Variants in L3MBTL4 observed in about 807,000 individuals in gnomAD.
L3MBTL4 encodes the protein lethal(3)malignant brain tumor-like protein 4.
Under a neutral mutation model 84.5 loss-of-function variants are expected in L3MBTL4, and 70 were observed. That is an observed-to-expected ratio of 0.83 (90% CI 0.68 to 1.01). The LOEUF (loss-of-function observed/expected upper bound fraction) is 1.01, where lower values mean the gene tolerates loss of function less well. L3MBTL4 is among the 50% of genes least tolerant of loss of function. L3MBTL4 has a pLI of 0.00. For synonymous variants in L3MBTL4, 274 were observed against 259.8 expected, an observed-to-expected ratio of 1.05 and a Z score of -0.52; for missense variants, 715 against 754.8, an observed-to-expected ratio of 0.95 and a Z score of 0.62.
intron 5 of L3MBTL4, among the ~76,000 whole-genome samples, chr18:6,252,438 C>G (rs113857494): frequency 6.6e-6 from 1 of 150,964 alleles, no homozygotes; most frequent in East Asian, 1.9e-4. Flanking sequence ...AAAAACACAG[C>G]TATTTACATA....
At chr18:6,039,827 G>C (rs1489834577) in intron 16 of L3MBTL4, among the ~76,000 whole-genome samples, 1 of 152,156 alleles carries the variant, frequency 6.6e-6, no homozygotes, top group Non-Finnish European at 1.5e-5. Context: ...AGAATTAATA[G>C]TTGATTATGA....
chr18:6,145,512 C>T (rs2042611147), intron 13 of L3MBTL4, among the ~76,000 whole-genome samples: 1 of 151,120 alleles, frequency 6.6e-6, no homozygotes, highest in Non-Finnish European at 1.5e-5. Context: ...GAATCAGGAG[C>T]ATTCCTATCT....
intron 16 of L3MBTL4, among the ~76,000 whole-genome samples, chr18:5,995,243 T>C (rs541391227): frequency 6.6e-6 from 1 of 152,336 alleles, no homozygotes; most frequent in Admixed American, 6.5e-5. Flanking sequence ...CGAAATAACA[T>C]GGCAGTGGGC....
At chr18:5,958,214 A>C (rs1055227023) in intron 18 of L3MBTL4, among the ~76,000 whole-genome samples, 4 of 152,088 alleles carry the variant, frequency 2.6e-5, no homozygotes, top group African/African-American at 9.7e-5. Context: ...CTGTAGTGTC[A>C]ATGTCTCACT....
chr18:6,235,106 G>C (rs889725727), intron 10 of L3MBTL4, among the ~76,000 whole-genome samples: 1 of 152,110 alleles, frequency 6.6e-6, no homozygotes, highest in Non-Finnish European at 1.5e-5. Context: ...CTCATAGGTG[G>C]GAATTGAACA....
chr18:6,219,935 A>G (rs1302052427), intron 10 of L3MBTL4, among the ~76,000 whole-genome samples: 14 of 152,084 alleles, frequency 9.2e-5, no homozygotes, highest in Non-Finnish European at 2.9e-5. Context: ...ACATGGCGGC[A>G]CACACCTGTA....
chr18:6,167,667 G>A (rs1353570835), intron 13 of L3MBTL4, among the ~76,000 whole-genome samples: 1 of 152,128 alleles, frequency 6.6e-6, no homozygotes, highest in Non-Finnish European at 1.5e-5. Flanking sequence ...AGGTATTGAT[G>A]GGACATATCT....
intron 16 of L3MBTL4, among the ~76,000 whole-genome samples, chr18:6,045,579 A>G (rs1412674221): frequency 6.6e-6 from 1 of 152,138 alleles, no homozygotes; most frequent in East Asian, 1.9e-4. Context: ...GGAATCTCCC[A>G]TTTTTAAAAT....
At chr18:6,137,251 T>A (rs1399111186) in intron 14 of L3MBTL4, among the ~76,000 whole-genome samples, 2 of 152,212 alleles carry the variant, frequency 1.3e-5, no homozygotes, top group Admixed American at 6.5e-5. Flanking sequence ...ATGTCTTTCT[T>A]TTTTTATGAA....
At chr18:6,262,285 C>G (rs534225880) in intron 5 of L3MBTL4, among the ~76,000 whole-genome samples, 6 of 152,108 alleles carry the variant, frequency 3.9e-5, no homozygotes, top group Non-Finnish European at 8.8e-5. Context: ...TGCCCTGGTC[C>G]CAGCCAACCA....
intron 16 of L3MBTL4, among the ~76,000 whole-genome samples, chr18:6,073,837 T>C (rs943858726): frequency 6.6e-6 from 1 of 152,204 alleles, no homozygotes; most frequent in Non-Finnish European, 1.5e-5. Context: ...ATTTAATACA[T>C]TGAGATAAGG....
intron 14 of L3MBTL4, among the ~76,000 whole-genome samples, chr18:6,134,514 T>G (rs891809041): frequency 1.3e-5 from 2 of 152,184 alleles, no homozygotes; most frequent in African/African-American, 4.8e-5. Context: ...AGCTAGTTAC[T>G]TCCTAGATAC....
At chr18:6,301,705 T>C (rs1486100694) in intron 4 of L3MBTL4, among the ~76,000 whole-genome samples, 198 bp downstream of exon 4, 1 of 152,260 alleles carries the variant, frequency 6.6e-6, no homozygotes, top group Admixed American at 6.5e-5. Context: ...GAGCTTCAGA[T>C]GTTTTTGAAG....
chr18:6,393,495 C>T (rs115366222), intron 1 of L3MBTL4, among the ~76,000 whole-genome samples: 143 of 152,288 alleles, frequency 9.4e-4, no homozygotes, highest in African/African-American at 3.3e-3. Flanking sequence ...GAGTACCAAC[C>T]GCATGCAGAC....
intron 1 of L3MBTL4, among the ~76,000 whole-genome samples, chr18:6,324,305 C>T (rs1161705051): frequency 6.6e-6 from 1 of 152,200 alleles, no homozygotes; most frequent in African/African-American, 2.4e-5. Flanking sequence ...ACAGAGTACT[C>T]ACTGGAACAC....
intron 16 of L3MBTL4, among the ~76,000 whole-genome samples, chr18:5,994,014 C>T (rs989690367): frequency 6.6e-6 from 1 of 152,190 alleles, no homozygotes; most frequent in African/African-American, 2.4e-5. Flanking sequence ...CCTCAAAGTG[C>T]CTGCAGCCAC....
At chr18:6,318,523 A>AAAAAAAAAAAAAAAAC (rs2051233838) in intron 1 of L3MBTL4, among the ~76,000 whole-genome samples, 1 of 140,422 alleles carries the variant, frequency 7.1e-6, no homozygotes, top group Non-Finnish European at 1.5e-5. Context: ...AAAAAAAAAA[A>AAAAAAAAAAAAAAAAC]AAGACAAAGA....
intron 12 of L3MBTL4, among the ~76,000 whole-genome samples, chr18:6,196,197 G>A (rs1430741198): frequency 9.2e-5 from 12 of 130,290 alleles, no homozygotes; most frequent in African/African-American, 1.9e-4. Context: ...TCGCTCTGTT[G>A]CCCAGGCTGT....
chr18:6,342,915 G>A (rs184833920), intron 1 of L3MBTL4, among the ~76,000 whole-genome samples: 17 of 152,084 alleles, frequency 1.1e-4, no homozygotes, highest in East Asian at 3.9e-4. Context: ...AATAGTAACC[G>A]AAGGAGAGCA....
Sources: gnomAD v4.1 joint callset for allele counts (sites outside exome capture counted in the v4.1 genomes callset) on GRCh38, gnomAD v4.1.1 for gene constraint, MANE v1.5 for transcripts, NCBI Gene and HGNC (gene_info 2026-07-23, HGNC 2026-07-21) for gene names.